Variants in ANKRD30B observed in about 807,000 individuals in gnomAD.
ANKRD30B encodes ankyrin repeat domain-containing protein 30B.
A neutral mutation model predicts 202.2 loss-of-function variants in ANKRD30B; 144 were observed. That is an observed-to-expected ratio of 0.71 (90% CI 0.62 to 0.82). The LOEUF is 0.82. ANKRD30B is among the 40% of genes least tolerant of loss of function. The pLI, the probability that ANKRD30B is intolerant of heterozygous loss-of-function variation, is 0.00. For missense variants in ANKRD30B, 1,487 were observed against 1,669.1 expected, an observed-to-expected ratio of 0.89 and a Z score of 1.90; for synonymous variants, 508 against 561.3, an observed-to-expected ratio of 0.91 and a Z score of 1.34.
chr18:14,757,312 T>C (rs1237197476), intron 4 of ANKRD30B, among the ~76,000 whole-genome samples: 2 of 152,208 alleles, frequency 1.3e-5, no homozygotes, highest in African/African-American at 2.4e-5. Context: ...AATAATGATA[T>C]GTGCTTTAAG....
the ANKRD30B span, among the ~76,000 whole-genome samples, chr18:14,892,302 T>C: frequency 6.6e-6 from 1 of 152,254 alleles, no homozygotes; most frequent in African/African-American, 2.4e-5. Flanking sequence ...AAATGTTGAC[T>C]GATAGAGTTA....
At chr18:14,784,608 A>G in intron 14 of ANKRD30B, 73 bp downstream of exon 14, 3 of 1,464,702 alleles carry the variant, frequency 2.0e-6, no homozygotes, top group Admixed American at 3.9e-5. Context: ...TTCTATCCCC[A>G]ATGATTTATT....
chr18:14,831,974 C>T (rs1048469985), intron 34 of ANKRD30B, among the ~76,000 whole-genome samples: 3 of 152,098 alleles, frequency 2.0e-5, no homozygotes, highest in East Asian at 3.9e-4. Flanking sequence ...GTTTTTTTGG[C>T]GCATATTATT....
chr18:14,907,943 A>G, the ANKRD30B span, among the ~76,000 whole-genome samples: 1 of 152,198 alleles, frequency 6.6e-6, no homozygotes, highest in African/African-American at 2.4e-5. Context: ...AGAAGGTTTC[A>G]TAATTTGAGA....
chr18:14,867,841 A>G, the ANKRD30B span, among the ~76,000 whole-genome samples: 1 of 152,196 alleles, frequency 6.6e-6, no homozygotes, highest in Non-Finnish European at 1.5e-5. Flanking sequence ...GGCCCCAGCC[A>G]CCCAGTGGCC....
At chr18:14,932,719 C>T in the ANKRD30B span, among the ~76,000 whole-genome samples, 1 of 152,192 alleles carries the variant, frequency 6.6e-6, no homozygotes, top group Admixed American at 6.5e-5. Flanking sequence ...CCCTGCTCCC[C>T]AGTCCTGAAG....
the ANKRD30B span, among the ~76,000 whole-genome samples, chr18:14,896,134 T>C: frequency 6.6e-6 from 1 of 151,334 alleles, no homozygotes; most frequent in Non-Finnish European, 1.5e-5. Context: ...TATTATCTGC[T>C]CATTTTTTTT....
chr18:14,757,301 G>C (rs1307755936), intron 4 of ANKRD30B, among the ~76,000 whole-genome samples: 2 of 152,170 alleles, frequency 1.3e-5, no homozygotes, highest in African/African-American at 4.8e-5. Flanking sequence ...GTGAAAAGGA[G>C]AATAATGATA....
intron 24 of ANKRD30B, among the ~76,000 whole-genome samples, chr18:14,804,715 A>G (rs2144019248): frequency 6.6e-6 from 1 of 150,888 alleles, no homozygotes; most frequent in Non-Finnish European, 1.5e-5. Context: ...GAGAAGAAGA[A>G]AGGGGCAATG....
chr18:14,842,103 T>C (rs1398315720), intron 37 of ANKRD30B, among the ~76,000 whole-genome samples: 2 of 152,122 alleles, frequency 1.3e-5, no homozygotes, highest in African/African-American at 2.4e-5. Flanking sequence ...AAATTGTTTT[T>C]TAAAATAAAT....
intron 18 of ANKRD30B, among the ~76,000 whole-genome samples, chr18:14,796,663 C>T (rs1367921754): frequency 6.6e-6 from 1 of 152,100 alleles, no homozygotes; most frequent in African/African-American, 2.4e-5. Context: ...ACAATGGGGC[C>T]TTGTCTTTGT....
rs747754115 is a variant in ANKRD30B, at chr18:14,822,582, A to T, written c.2671-23A>T. 2.1e-3 allele frequency: 2,414 copies of T among 1,173,628 alleles called. 5 individuals are homozygous for T. The highest frequency in any genetic ancestry group is 2.2e-3 in the Non-Finnish European group (1,797 of 812,116). The allele number at this position is 1,173,628 out of a possible 1,614,324, so 72.7% of individuals were successfully genotyped here. ...ATGAAGTATACATTATATAGTAATTATTGTGTTTCCAAACCCATTTAGCCT... is the reference window on the plus strand; with the variant it reads ...ATGAAGTATACATTATATAGTAATTTTTGTGTTTCCAAACCCATTTAGCCT... On this transcript the variant is annotated intron_variant, in intron 31 of 43. Coordinates refer to ENST00000690538, the MANE Select transcript of ANKRD30B (RefSeq NM_001367607.2).
intron 41 of ANKRD30B, among the ~76,000 whole-genome samples, chr18:14,851,249 T>C (rs1229863617): frequency 6.6e-6 from 1 of 151,662 alleles, no homozygotes; most frequent in Non-Finnish European, 1.5e-5. Flanking sequence ...TTTTTTTTTT[T>C]TTCAATTCTG....
the ANKRD30B span, among the ~76,000 whole-genome samples, chr18:14,912,701 C>A: frequency 4.6e-5 from 7 of 152,134 alleles, no homozygotes; most frequent in Non-Finnish European, 1.0e-4. Context: ...GGTATTAGTT[C>A]TTCGTGTGTT....
the ANKRD30B span, among the ~76,000 whole-genome samples, chr18:14,916,520 G>T: frequency 1.2e-3 from 190 of 152,266 alleles, no homozygotes; most frequent in African/African-American, 4.2e-3. Context: ...TCACAGCCAG[G>T]GGCTTCTCTC....
chr18:14,808,414 C>G, intron 24 of ANKRD30B, 137 bp from the exon 25 acceptor site: 1 of 955,534 alleles, frequency 1.0e-6, no homozygotes, highest in Non-Finnish European at 1.6e-6. Context: ...TACAAAAACC[C>G]AAAAGACCCC....
the ANKRD30B span, among the ~76,000 whole-genome samples, chr18:14,876,549 T>G: frequency 6.6e-6 from 1 of 152,186 alleles, no homozygotes; most frequent in Admixed American, 6.5e-5. Context: ...TCTCTTGGGT[T>G]GTATTAGAAA....
intron 11 of ANKRD30B, among the ~76,000 whole-genome samples, chr18:14,782,008 T>C (rs1967779568): frequency 2.0e-5 from 3 of 152,226 alleles, no homozygotes; most frequent in Admixed American, 6.5e-5. Flanking sequence ...TTAATTTGTT[T>C]AACGAAAGGT....
At chr18:14,810,524 TCTTTA>T (rs1226612446) in intron 28 of ANKRD30B, among the ~76,000 whole-genome samples, 1 of 151,248 alleles carries the variant, frequency 6.6e-6, no homozygotes, top group Non-Finnish European at 1.5e-5. Flanking sequence ...GGAATTCTGA[TCTTTA>T]CTTTGAGGAA....
Sources: gnomAD v4.1 joint callset for allele counts (sites outside exome capture counted in the v4.1 genomes callset) on GRCh38, gnomAD v4.1.1 for gene constraint, MANE v1.5 for transcripts, NCBI Gene and HGNC (gene_info 2026-07-23, HGNC 2026-07-21) for gene names.